The following TTC28 variants were observed in gnomAD, a reference collection of about 807,000 sequenced individuals.
TTC28 encodes the protein tetratricopeptide repeat protein 28.
In TTC28, 61 loss-of-function variants were observed where a neutral mutation model predicts 198.0. The ratio of observed to expected loss-of-function variants is 0.31; its 90% CI spans 0.25 to 0.38. TTC28 has a LOEUF of 0.38. Among genes scored for constraint, TTC28 ranks in the 10% least tolerant of loss-of-function variants. The probability of loss-of-function intolerance (pLI) is 1.00; values close to 1 mark genes in which losing one functional copy is unlikely to be tolerated. For synonymous variants in TTC28, 1,171 were observed against 1,297.8 expected, an observed-to-expected ratio of 0.90 and a Z score of 2.10; for missense variants, 2,678 against 3,164.0, an observed-to-expected ratio of 0.85 and a Z score of 3.69.
intron 2 of TTC28, among the ~76,000 whole-genome samples, chr22:28,525,701 CA>C (rs1183469160): frequency 6.6e-6 from 1 of 152,072 alleles, no homozygotes; most frequent in Admixed American, 6.6e-5. Flanking sequence ...GCAGGTGCCA[CA>C]AATATAATAA....
intron 5 of TTC28, among the ~76,000 whole-genome samples, chr22:28,247,776 T>C (rs955477213): frequency 2.6e-5 from 4 of 152,066 alleles, no homozygotes; most frequent in African/African-American, 4.8e-5. Flanking sequence ...AAAATGTATA[T>C]GATATATGTG....
At chr22:28,253,064 A>C (rs1378164079) in intron 5 of TTC28, among the ~76,000 whole-genome samples, 1 of 152,216 alleles carries the variant, frequency 6.6e-6, no homozygotes, top group Admixed American at 6.5e-5. Context: ...AAAATATTAT[A>C]TGAAAAGAAA....
intron 5 of TTC28, among the ~76,000 whole-genome samples, chr22:28,241,889 T>C (rs911604541): frequency 2.0e-5 from 3 of 152,086 alleles, no homozygotes; most frequent in Non-Finnish European, 4.4e-5. Flanking sequence ...TGTTTTGTGG[T>C]TATACACTAA....
At chr22:28,330,035 T>C (rs2045591047) in intron 2 of TTC28, among the ~76,000 whole-genome samples, 1 of 152,216 alleles carries the variant, frequency 6.6e-6, no homozygotes, top group Non-Finnish European at 1.5e-5. Flanking sequence ...ACAGTAGTCC[T>C]ACTGGTGATG....
chr22:27,989,205 T>C (rs1012024967), intron 21 of TTC28, among the ~76,000 whole-genome samples: 4 of 151,174 alleles, frequency 2.6e-5, no homozygotes, highest in Non-Finnish European at 5.9e-5. Context: ...AAATCGAGTG[T>C]CCTGCACTGA....
chr22:28,447,182 T>C lies in TTC28; in HGVS notation c.382-140539A>G, dbSNP rs555111877. 6.6e-5 allele frequency among the ~76,000 whole-genome samples: 10 copies of C among 152,136 alleles called. No individual in the cohort carries two copies. The East Asian group carries it at 7.7e-4, about 12-fold the overall frequency. On this transcript the variant is annotated intron_variant, in intron 2 of 22. Coordinates refer to ENST00000397906, the MANE Select transcript of TTC28 (RefSeq NM_001145418.2). ...TCTACTTTCTTTACTTCTGACTTGC[T>C]ATATAACAAAAGTTTTCAGAAAGGG...
chr22:28,179,979 G>A (rs1014369797), intron 5 of TTC28, among the ~76,000 whole-genome samples: 3 of 152,116 alleles, frequency 2.0e-5, no homozygotes, highest in South Asian at 4.2e-4. Context: ...TCTAAAATCA[G>A]AGATTTAGCT....
intron 2 of TTC28, among the ~76,000 whole-genome samples, chr22:28,483,298 G>C (rs2048277661): frequency 6.6e-6 from 1 of 152,102 alleles, no homozygotes; most frequent in African/African-American, 2.4e-5. Flanking sequence ...ATGGCAGTAA[G>C]TACTATGAAA....
At chr22:28,433,991 T>C (rs1488745476) in intron 2 of TTC28, among the ~76,000 whole-genome samples, 1 of 152,244 alleles carries the variant, frequency 6.6e-6, no homozygotes, top group East Asian at 1.9e-4. Context: ...CTTATTTAAC[T>C]ACCTCAACTA....
chr22:28,518,096 A>G (rs1224655057), intron 2 of TTC28, among the ~76,000 whole-genome samples: 1 of 152,050 alleles, frequency 6.6e-6, no homozygotes, highest in African/African-American at 2.4e-5. Context: ...TTAAGCATCA[A>G]TGGCATATCT....
intron 4 of TTC28, 57 bp from the exon 5 acceptor site, chr22:28,296,385 T>G (rs2044896591): frequency 7.3e-7 from 1 of 1,371,114 alleles, no homozygotes; most frequent in African/African-American, 1.5e-5. Flanking sequence ...TAATGTTATT[T>G]ATAACATATA....
At chr22:28,220,263 G>C (rs1467199352) in intron 5 of TTC28, among the ~76,000 whole-genome samples, 1 of 152,182 alleles carries the variant, frequency 6.6e-6, no homozygotes, top group African/African-American at 2.4e-5. Flanking sequence ...CTGAGACATT[G>C]TATTAGTTAT....
intron 2 of TTC28, among the ~76,000 whole-genome samples, chr22:28,377,550 T>C (rs931820275): frequency 6.6e-6 from 1 of 152,110 alleles, no homozygotes; most frequent in Non-Finnish European, 1.5e-5. Context: ...AGATCAGTGA[T>C]TGGGGAACTC....
At chr22:28,282,589 G>T (rs1263362859) in intron 5 of TTC28, among the ~76,000 whole-genome samples, 1 of 152,184 alleles carries the variant, frequency 6.6e-6, no homozygotes, top group Non-Finnish European at 1.5e-5. Context: ...GAGCAATCCA[G>T]CTCTAACAAT....
chr22:28,502,852 A>C (rs1180829489), intron 2 of TTC28, among the ~76,000 whole-genome samples: 1 of 152,150 alleles, frequency 6.6e-6, no homozygotes, highest in African/African-American at 2.4e-5. Flanking sequence ...TGGGCTATAT[A>C]TCTTATTAAT....
rs747447897 is a variant in TTC28 at position 27,985,274 on chromosome 22, C to G, written c.5790G>C (p.Ala1930=). Reference sequence around the variant, plus strand: ...CAAACAGAGACAGCAGGGACTGGAGCGCGAAGTGCACAGTCCGTCGATTAG... The same window carrying G: ...CAAACAGAGACAGCAGGGACTGGAGGGCGAAGTGCACAGTCCGTCGATTAG... ...KQANRRTVHF[A]LQSLLSLFDS... The change falls in exon 22 of 23, where the codon GCG becomes GCC. Residue 1930 remains alanine (A), a synonymous_variant. Coordinates refer to ENST00000397906, the MANE Select transcript of TTC28 (RefSeq NM_001145418.2). 6.4e-6 allele frequency: 10 copies of G among 1,551,392 alleles called. No homozygotes were observed. Among genetic ancestry groups the G allele is most frequent in the Non-Finnish European group, 7.8e-6 (9 of 1,146,808 alleles).
At chr22:28,269,099 C>T (rs1170988634) in intron 5 of TTC28, among the ~76,000 whole-genome samples, 1 of 152,090 alleles carries the variant, frequency 6.6e-6, no homozygotes, top group Admixed American at 6.5e-5. Context: ...TGGCAATGGT[C>T]TTTCACGCAA....
chr22:28,290,637 C>T (rs912464443), intron 5 of TTC28, among the ~76,000 whole-genome samples: 3 of 152,110 alleles, frequency 2.0e-5, no homozygotes, highest in East Asian at 1.9e-4. Flanking sequence ...GAGGGCCTGG[C>T]GTGGTCGCTC....
chr22:28,312,340 T>C (rs1182160888), intron 2 of TTC28, among the ~76,000 whole-genome samples: 2 of 152,168 alleles, frequency 1.3e-5, no homozygotes, highest in African/African-American at 4.8e-5. Flanking sequence ...GGACTTGAAC[T>C]CAGCTCTGGA....
Sources: gnomAD v4.1 joint callset for allele counts (sites outside exome capture counted in the v4.1 genomes callset) on GRCh38, gnomAD v4.1.1 for gene constraint, MANE v1.5 for transcripts, NCBI Gene and HGNC (gene_info 2026-07-23, HGNC 2026-07-21) for gene names.